EDC3: variants seen among roughly 807,000 people sequenced by gnomAD.
EDC3 encodes enhancer of mRNA-decapping protein 3.
A neutral mutation model predicts 41.8 loss-of-function variants in EDC3; 20 were observed. That is an observed-to-expected ratio of 0.48 (90% CI 0.34 to 0.70). EDC3 has a LOEUF of 0.70. Ranked by LOEUF, EDC3 falls within the 30% of genes least tolerant of loss-of-function variation. The pLI is 0.01. For synonymous variants in EDC3, 206 were observed against 243.2 expected (o/e 0.85, Z 1.42); for missense variants, 444 against 636.8 (o/e 0.70, Z 3.26).
chr15:74,650,233 T>G (rs2062465188), intron 4 of EDC3, among the ~76,000 whole-genome samples: 1 of 152,190 alleles, frequency 6.6e-6, no homozygotes, highest in African/African-American at 2.4e-5. Context: ...TTGTTCCCTA[T>G]GACTACAGGA....
In EDC3 at chr15:74,673,611, C is replaced by A. The variant is rs150867438; in HGVS notation, c.164+1350G>T. ...CAGCACTTTGGGAGGCCGAGAAGGG[C>A]AGATTACAAGGTCAGGAGATCGAGA... is the stretch of plus-strand genomic sequence containing the variant. On this transcript the variant is annotated intron_variant, in intron 2 of 6. Coordinates refer to ENST00000315127, the MANE Select transcript of EDC3 (RefSeq NM_025083.5). 7.2e-3 allele frequency among the ~76,000 whole-genome samples: 1,098 copies of A among 152,038 alleles called. 14 individuals carry two copies. Among genetic ancestry groups the A allele is most frequent in the African/African-American group, 0.026 (1,064 of 41,460 alleles).
At chr15:74,641,274 CAG>C (rs1384713607) in intron 4 of EDC3, 1 of 152,238 alleles carries the variant, frequency 6.6e-6, no homozygotes, top group Non-Finnish European at 1.5e-5. Context: ...ACTCACGAAA[CAG>C]GGAAGCAGTA....
chr15:74,695,142 T>C (rs1442341245), intron 1 of EDC3, among the ~76,000 whole-genome samples: 1 of 152,124 alleles, frequency 6.6e-6, no homozygotes, highest in Admixed American at 6.6e-5. Context: ...TCCTCACCTG[T>C]AACCACAGGA....
intron 1 of EDC3, among the ~76,000 whole-genome samples, chr15:74,691,625 C>G (rs1338508069): frequency 6.6e-6 from 1 of 152,182 alleles, no homozygotes; most frequent in East Asian, 1.9e-4. Flanking sequence ...GAATCAACTT[C>G]CATGCTACTC....
At chr15:74,634,423 C>G (rs2062246653) in intron 6 of EDC3, among the ~76,000 whole-genome samples, 1 of 152,200 alleles carries the variant, frequency 6.6e-6, no homozygotes, top group Non-Finnish European at 1.5e-5. Flanking sequence ...TATCCAGGCT[C>G]CTCATGGCTT....
intron 3 of EDC3, among the ~76,000 whole-genome samples, chr15:74,660,405 G>A (rs553053382): frequency 2.5e-5 from 3 of 119,540 alleles, no homozygotes; most frequent in East Asian, 2.3e-4. Flanking sequence ...GTGAGACTCC[G>A]TCTCCAAAAA....
rs193221794 is a variant in EDC3 at position 74,630,877 on chromosome 15, G to A, written c.*1735C>T. 1 of 152,248 alleles carries A rather than the reference G, an allele frequency of 6.6e-6. No individual in the cohort carries two copies. Among genetic ancestry groups the A allele is most frequent in the Non-Finnish European group, 1.5e-5 (1 of 68,080 alleles). 9.4% of individuals were successfully genotyped at this position (152,248 alleles called of 1,614,324 possible). On this transcript the variant is annotated 3_prime_UTR_variant, in exon 7 of 7. Coordinates refer to ENST00000315127, the MANE Select transcript of EDC3 (RefSeq NM_025083.5). ...GGAGTGGACAGTCTTCTGGGCCAGG[G>A]TTGTTCTAGCTTGTTTCTCACTGTA... is the stretch of plus-strand genomic sequence containing the variant.
In EDC3 at chr15:74,671,149, T is replaced by C. The variant is rs1394300257; in HGVS notation, c.484+306A>G. Among the ~76,000 whole-genome samples, 1 of 152,168 alleles carries C rather than the reference T, an allele frequency of 6.6e-6. No individual in the cohort carries two copies. Among genetic ancestry groups the C allele is most frequent in the Non-Finnish European group, 1.5e-5 (1 of 68,030 alleles). On this transcript the variant is annotated intron_variant, in intron 3 of 6. Coordinates refer to ENST00000315127, the MANE Select transcript of EDC3 (RefSeq NM_025083.5). This position sits in a 1 kb window ranked among gnomAD's most constrained non-coding sequence, Gnocchi z 4.6. ...TCAAGTAGCTGGGACTATAGATGCG[T>C]GCCACCACGCCCAGTAGTTCCTGGA...
intron 1 of EDC3, among the ~76,000 whole-genome samples, chr15:74,691,050 G>C (rs979365040): frequency 6.6e-6 from 1 of 151,274 alleles, no homozygotes; most frequent in African/African-American, 2.4e-5. Context: ...CAAAAAATTA[G>C]TCAGAAGTGT....
intron 1 of EDC3, among the ~76,000 whole-genome samples, chr15:74,681,513 A>G (rs1272117297): frequency 1.3e-5 from 2 of 152,192 alleles, no homozygotes; most frequent in East Asian, 3.8e-4. Flanking sequence ...GACTTACACA[A>G]TTATGATAAT....
chr15:74,691,407 T>A (rs1427625125), intron 1 of EDC3, among the ~76,000 whole-genome samples: 1 of 152,222 alleles, frequency 6.6e-6, no homozygotes, highest in Non-Finnish European at 1.5e-5. Flanking sequence ...ACATAAAAAA[T>A]TTTAGTTCAA....
chr15:74,676,901 T>G (rs1169676382), intron 1 of EDC3: 1 of 152,100 alleles, frequency 6.6e-6, no homozygotes, highest in Admixed American at 6.6e-5. Context: ...CATCAGGGAA[T>G]TAATGGAAAT....
intron 1 of EDC3, among the ~76,000 whole-genome samples, chr15:74,685,636 T>TA (rs1306722957): frequency 6.6e-6 from 1 of 152,146 alleles, no homozygotes; most frequent in Non-Finnish European, 1.5e-5. Flanking sequence ...AAAATGGTTC[T>TA]AAAAAATACA....
intron 3 of EDC3, among the ~76,000 whole-genome samples, chr15:74,670,942 A>T (rs557022014): frequency 1.3e-5 from 2 of 152,296 alleles, no homozygotes; most frequent in African/African-American, 2.4e-5. Flanking sequence ...AAATCACAGG[A>T]AGAAAAGTTA....
intron 3 of EDC3, among the ~76,000 whole-genome samples, chr15:74,662,085 T>C (rs1402071015): frequency 6.6e-6 from 1 of 152,230 alleles, no homozygotes; most frequent in African/African-American, 2.4e-5. Flanking sequence ...CATATTGATA[T>C]ACAGCACATG....
At chr15:74,645,166 G>C (rs983200267) in intron 4 of EDC3, 1 of 152,202 alleles carries the variant, frequency 6.6e-6, no homozygotes, top group African/African-American at 2.4e-5. Flanking sequence ...AAACAGAAGA[G>C]ATATGACAGC....
At chr15:74,655,050 T>G (rs1350962328) in intron 4 of EDC3, among the ~76,000 whole-genome samples, 1 of 152,208 alleles carries the variant, frequency 6.6e-6, no homozygotes, top group Admixed American at 6.5e-5. Context: ...GGGGAAGGGA[T>G]GGGACACGGA....
chr15:74,645,408 T>C (rs1416795445), intron 4 of EDC3: 1 of 152,146 alleles, frequency 6.6e-6, no homozygotes, highest in Non-Finnish European at 1.5e-5. Context: ...AAATCTCAAA[T>C]GGTTCAGAAA....
chr15:74,676,067 A>G (rs906285460), intron 1 of EDC3, among the ~76,000 whole-genome samples: 1 of 152,130 alleles, frequency 6.6e-6, no homozygotes, highest in East Asian at 1.9e-4. Flanking sequence ...TCTACCCACA[A>G]CAGAATTAAA....
Sources: allele counts gnomAD v4.1 joint callset (sites outside exome capture counted in the v4.1 genomes callset), GRCh38; gene constraint gnomAD v4.1.1; non-coding constraint Gnocchi (gnomAD v3.1); transcripts MANE v1.5; gene names NCBI Gene and HGNC (gene_info 2026-07-23, HGNC 2026-07-21).